GFRA2: variants seen among roughly 807,000 people sequenced by gnomAD.
GFRA2 encodes GDNF family receptor alpha-2.
A neutral mutation model predicts 48.3 loss-of-function variants in GFRA2; 17 were observed. That is an observed-to-expected ratio of 0.35 (90% CI 0.24 to 0.53). GFRA2 has a LOEUF of 0.53. GFRA2 is among the 20% of genes least tolerant of loss of function. GFRA2 has a pLI of 0.93. For missense variants in GFRA2, 660 were observed against 637.3 expected (o/e 1.04, Z -0.38); for synonymous variants, 305 against 257.2 (o/e 1.19, Z -1.78).
intron 2 of GFRA2, among the ~76,000 whole-genome samples, chr8:21,795,517 C>T (rs1454598076): frequency 3.3e-5 from 5 of 152,160 alleles, no homozygotes; most frequent in African/African-American, 9.6e-5. Flanking sequence ...CTCAGCATCC[C>T]GAGTAGGTGG....
upstream of GFRA2, among the ~76,000 whole-genome samples, chr8:21,791,446 C>T (rs1807572297): frequency 6.6e-6 from 1 of 152,160 alleles, no homozygotes; most frequent in Non-Finnish European, 1.5e-5. Context: ...ACAGACGTAT[C>T]CCATGACACC....
intron 4 of GFRA2, among the ~76,000 whole-genome samples, chr8:21,745,594 G>A (rs1227272092): frequency 6.6e-6 from 1 of 152,190 alleles, no homozygotes; most frequent in East Asian, 1.9e-4. Context: ...AAACCTGGAG[G>A]AAGTCAAACC....
rs557138880 is a variant in GFRA2, at chr8:21,722,763, C to A, written c.795-16722G>T. ...GAATTATGGGTCCTCTCTATTTCTACCCTCCAACTCCACAACAGGTGACAA... is the reference window on the plus strand; with the variant it reads ...GAATTATGGGTCCTCTCTATTTCTAACCTCCAACTCCACAACAGGTGACAA... On this transcript the variant is annotated intron_variant, in intron 4 of 8. Coordinates refer to ENST00000524240, the MANE Select transcript of GFRA2 (RefSeq NM_001495.5). Among the ~76,000 whole-genome samples, 4 of 152,348 alleles carry A rather than the reference C, an allele frequency of 2.6e-5. No homozygotes were observed. The South Asian group carries it at 8.3e-4, about 32-fold the overall frequency.
At chr8:21,710,492 T>C (rs1802969042) in intron 4 of GFRA2, among the ~76,000 whole-genome samples, 2 of 152,068 alleles carry the variant, frequency 1.3e-5, no homozygotes, top group Admixed American at 6.5e-5. Context: ...CGCTCTCCTG[T>C]TCTACCATAC....
At chr8:21,747,406 G>A (rs1585289879) in intron 4 of GFRA2, among the ~76,000 whole-genome samples, 1 of 152,130 alleles carries the variant, frequency 6.6e-6, no homozygotes, top group South Asian at 2.1e-4. Context: ...CCTCATTGTG[G>A]TATGCATAGT....
rs987336820 is a variant in GFRA2 at position 21,706,137 on chromosome 8, C to T, written c.795-96G>A. On this transcript the variant is annotated intron_variant, in intron 4 of 8. Transcript: ENST00000524240. ...TGCCAGTGGCATCTCCTCCCTGCAG[C>T]TTCCCAGGGTGGAAGAAGCCAGGAA... is the stretch of plus-strand genomic sequence containing the variant. The T allele has an allele frequency of 5.2e-6, 4 of 776,204 alleles. No homozygotes were observed. The African/African-American group carries it at 6.9e-5, about 13-fold the overall frequency. 48.1% of individuals were successfully genotyped at this position (776,204 alleles called of 1,614,324 possible). A position where few individuals can be genotyped will look rare whatever the true frequency, so the allele number is the denominator to read the frequency against.
At chr8:21,759,536 AGGAAGGAG>A (rs1563252252) in intron 3 of GFRA2, among the ~76,000 whole-genome samples, 2 of 147,346 alleles carry the variant, frequency 1.4e-5, no homozygotes, top group African/African-American at 5.0e-5. Context: ...GAAGGAAGGA[AGGAAGGAG>A]GGAAGGAAGG....
At chr8:21,770,494 T>C (rs1181829819) in intron 3 of GFRA2, among the ~76,000 whole-genome samples, 2 of 152,186 alleles carry the variant, frequency 1.3e-5, no homozygotes, top group Non-Finnish European at 1.5e-5. Context: ...CCCATCAACA[T>C]GTGTGCCTTC....
chr8:21,804,114 C>A (rs368805096), intron 2 of GFRA2, among the ~76,000 whole-genome samples: 1 of 151,930 alleles, frequency 6.6e-6, no homozygotes, highest in African/African-American at 2.4e-5. Flanking sequence ...GAAGTCAGTC[C>A]CCTGTCTCCA....
intron 3 of GFRA2, among the ~76,000 whole-genome samples, chr8:21,766,917 AC>A (rs940826655): frequency 8.0e-6 from 1 of 125,040 alleles, no homozygotes; most frequent in African/African-American, 3.3e-5. Context: ...GCTAACACAT[AC>A]CTACACACAC....
intron 3 of GFRA2, among the ~76,000 whole-genome samples, chr8:21,763,409 AC>A (rs1439160680): frequency 2.0e-5 from 3 of 151,754 alleles, no homozygotes; most frequent in Non-Finnish European, 4.4e-5. Flanking sequence ...TCACTCACCA[AC>A]CCTGCCATTC....
At chr8:21,795,804 G>A (rs199984861) in intron 2 of GFRA2, among the ~76,000 whole-genome samples, 11,805 of 152,160 alleles carry the variant, frequency 0.078, 781 homozygotes, top group East Asian at 0.26. Context: ...ATTCCAACTT[G>A]GCCTCTCTCA....
At position 21,731,027 on chromosome 8, in the gene GFRA2, A is replaced by G. The variant is rs375303949; in HGVS notation, c.794+19561T>C. On this transcript the variant is annotated intron_variant, in intron 4 of 8. Coordinates refer to ENST00000524240, the MANE Select transcript of GFRA2 (RefSeq NM_001495.5). ...TCCTTCCCTTCCTCGTGTTGCGGAC[A>G]CTAACTCGGCTCGCGTGTCCCCTCA... Among the ~76,000 whole-genome samples the G allele has an allele frequency of 1.8e-3, 275 of 152,166 alleles. 9 individuals are homozygous for G. The South Asian group carries it at 0.05, about 28-fold the overall frequency.
chr8:21,809,073 G>A (rs1486223660), intron 1 of GFRA2, among the ~76,000 whole-genome samples: 2 of 152,200 alleles, frequency 1.3e-5, no homozygotes, highest in African/African-American at 4.8e-5. Context: ...GGAGGGTAGT[G>A]TGCCCATTTA....
intron 4 of GFRA2, among the ~76,000 whole-genome samples, chr8:21,728,265 G>GTTTTTTTT (rs34490346): frequency 7.7e-5 from 5 of 65,292 alleles, no homozygotes; most frequent in African/African-American, 1.2e-4. Context: ...CGGGAACCAG[G>GTTTTTTTT]TTTTTTTTTT....
chr8:21,721,108 G>A (rs755273444), intron 4 of GFRA2, among the ~76,000 whole-genome samples: 62 of 152,064 alleles, frequency 4.1e-4, no homozygotes, highest in Non-Finnish European at 5.7e-4. Flanking sequence ...TAAGCAGCAG[G>A]AGATCTAAGA....
At chr8:21,769,225 T>C in intron 3 of GFRA2, 1 of 972,210 alleles carries the variant, frequency 1.0e-6, no homozygotes, top group South Asian at 4.8e-5. Flanking sequence ...AACATGCTCC[T>C]CCGAAGTCTG....
intron 3 of GFRA2, among the ~76,000 whole-genome samples, chr8:21,754,859 A>G (rs1805492313): frequency 6.6e-6 from 1 of 152,158 alleles, no homozygotes; most frequent in Admixed American, 6.5e-5. Context: ...TCTTCTTGTT[A>G]TAAAAATAAA....
At chr8:21,721,245 A>AGT (rs1310677784) in intron 4 of GFRA2, among the ~76,000 whole-genome samples, 1 of 152,242 alleles carries the variant, frequency 6.6e-6, no homozygotes, top group African/African-American at 2.4e-5. Flanking sequence ...AATGCCCTCC[A>AGT]GTGTGTCTGC....
Sources: gnomAD v4.1 joint callset for allele counts (sites outside exome capture counted in the v4.1 genomes callset) on GRCh38, gnomAD v4.1.1 for gene constraint, MANE v1.5 for transcripts, NCBI Gene and HGNC (gene_info 2026-07-23, HGNC 2026-07-21) for gene names.